Variants in WWOX observed in about 807,000 individuals in gnomAD.
The protein encoded by WWOX is WW domain-containing oxidoreductase.
A neutral mutation model predicts 46.2 loss-of-function variants in WWOX; 69 were observed. The ratio of observed to expected loss-of-function variants is 1.49; its 90% CI spans 1.23 to 1.82. The LOEUF (loss-of-function observed/expected upper bound fraction) is 1.82. Ranked by LOEUF, WWOX falls within the 40% of genes most tolerant of loss-of-function variation. The probability of loss-of-function intolerance (pLI) is 0.00; values close to 1 mark genes in which losing one functional copy is unlikely to be tolerated. For synonymous variants in WWOX, 359 were observed against 202.6 expected, an observed-to-expected ratio of 1.77 and a Z score of -6.56; for missense variants, 919 against 542.6, an observed-to-expected ratio of 1.69 and a Z score of -6.89.
intron 8 of WWOX, among the ~76,000 whole-genome samples, chr16:78,859,024 AAAAATATATATATATATATATATATG>A (rs1305670020): frequency 3.2e-3 from 105 of 33,038 alleles, no homozygotes; most frequent in African/African-American, 0.013. Flanking sequence ...AAAAAAAAAA[AAAAATATATATATATATATATATATG>A]TATATATATA....
intron 8 of WWOX, among the ~76,000 whole-genome samples, chr16:78,707,409 C>T (rs757533886): frequency 6.6e-6 from 1 of 152,158 alleles, no homozygotes; most frequent in African/African-American, 2.4e-5. Flanking sequence ...GAGCATTGCT[C>T]CTTTTTATGC....
chr16:78,663,820 A>T (rs2047269920), intron 8 of WWOX, among the ~76,000 whole-genome samples: 1 of 152,214 alleles, frequency 6.6e-6, no homozygotes, highest in Non-Finnish European at 1.5e-5. Flanking sequence ...GAAAATCTCA[A>T]GCACAGGTGC....
rs567398869 is a variant in WWOX, at chr16:78,989,182, G to A, written c.1057-222426G>A. On this transcript the variant is annotated intron_variant, in intron 8 of 8. Coordinates refer to ENST00000566780, the MANE Select transcript of WWOX (RefSeq NM_016373.4). ...TATTGTATCTCCCCAGGGTTAGTGA[G>A]TAATTGGGAATAGTGTTCCATCTTG... Among the ~76,000 whole-genome samples the A allele has an allele frequency of 3.0e-4, 45 of 152,266 alleles. 1 individual carries two copies. The highest frequency in any genetic ancestry group is 1.1e-3 in the African/African-American group (45 of 41,540).
chr16:78,637,498 C>G (rs369509647), intron 8 of WWOX, among the ~76,000 whole-genome samples: 17 of 152,034 alleles, frequency 1.1e-4, no homozygotes, highest in East Asian at 3.9e-4. Flanking sequence ...TTTAAAGATA[C>G]CCAGCCAATG....
intron 5 of WWOX, among the ~76,000 whole-genome samples, chr16:78,338,530 AG>A (rs2080944360): frequency 1.6e-5 from 2 of 121,606 alleles, no homozygotes; most frequent in Non-Finnish European, 3.9e-5. Context: ...GAAATTCTGT[AG>A]TTTCCACAAG....
intron 5 of WWOX, among the ~76,000 whole-genome samples, chr16:78,345,724 A>AT (rs1371871296): frequency 1.7e-5 from 2 of 115,708 alleles, no homozygotes; most frequent in Non-Finnish European, 4.1e-5. Flanking sequence ...ACTCAGTGAA[A>AT]TGGCCATTAA....
intron 8 of WWOX, among the ~76,000 whole-genome samples, chr16:78,882,228 T>G (rs1393429225): frequency 6.6e-6 from 1 of 152,246 alleles, no homozygotes; most frequent in Non-Finnish European, 1.5e-5. Context: ...TTCTAACATG[T>G]GTATAGTATG....
At chr16:78,720,074 A>T (rs902464816) in intron 8 of WWOX, among the ~76,000 whole-genome samples, 1 of 152,164 alleles carries the variant, frequency 6.6e-6, no homozygotes, top group African/African-American at 2.4e-5. Flanking sequence ...ATTTCAATTT[A>T]ATCGTATTGT....
At chr16:78,646,305 C>A (rs992417727) in intron 8 of WWOX, among the ~76,000 whole-genome samples, 2 of 152,174 alleles carry the variant, frequency 1.3e-5, no homozygotes, top group South Asian at 2.1e-4. Context: ...TGAGCCAGTA[C>A]ACTTGGCCTT....
rs74711652 is a variant in WWOX at position 78,919,301 on chromosome 16, A to C, written c.1057-292307A>C. On this transcript the variant is annotated intron_variant, in intron 8 of 8. Coordinates refer to ENST00000566780, the MANE Select transcript of WWOX (RefSeq NM_016373.4). ...TAGATGGCTAAGCAGAGGCTCAGAG[A>C]AGTCAGACAACTCACCCAGGATCAA... Among the ~76,000 whole-genome samples, 1,037 of 151,912 alleles carry C rather than the reference A, an allele frequency of 6.8e-3. 3 individuals carry two copies. Among genetic ancestry groups the C allele is most frequent in the Middle Eastern group, 0.027 (8 of 292 alleles).
At chr16:78,601,006 G>C (rs1177891741) in intron 8 of WWOX, among the ~76,000 whole-genome samples, 1 of 152,092 alleles carries the variant, frequency 6.6e-6, no homozygotes, top group Non-Finnish European at 1.5e-5. Context: ...ACTATTTAAA[G>C]CATTGCCTGC....
intron 8 of WWOX, among the ~76,000 whole-genome samples, chr16:79,163,297 C>T (rs1487308354): frequency 6.6e-6 from 1 of 152,142 alleles, no homozygotes; most frequent in East Asian, 1.9e-4. Context: ...AACATCCAAG[C>T]ATTGAAAACT....
intron 8 of WWOX, among the ~76,000 whole-genome samples, chr16:78,864,596 G>C (rs530174728): frequency 1.6e-4 from 24 of 151,856 alleles, no homozygotes; most frequent in Non-Finnish European, 3.2e-4. Flanking sequence ...AAACAGGGCT[G>C]CACATAACCT....
At chr16:79,029,704 C>G (rs983995433) in intron 8 of WWOX, among the ~76,000 whole-genome samples, 2 of 152,156 alleles carry the variant, frequency 1.3e-5, no homozygotes, top group Non-Finnish European at 2.9e-5. Context: ...CTTAATTATG[C>G]TTTTCAACAA....
intron 4 of WWOX, among the ~76,000 whole-genome samples, chr16:78,117,906 G>T (rs1050382095): frequency 2.0e-5 from 3 of 152,062 alleles, no homozygotes; most frequent in Non-Finnish European, 2.9e-5. Context: ...TCTAAGGCGG[G>T]GTGGGCTGAA....
At chr16:78,793,286 C>G (rs960541343) in intron 8 of WWOX, among the ~76,000 whole-genome samples, 2 of 152,140 alleles carry the variant, frequency 1.3e-5, no homozygotes, top group Non-Finnish European at 2.9e-5. Flanking sequence ...GTCTGGAACT[C>G]CTGGGCTCAG....
chr16:78,518,558 C>T (rs1188256099), intron 8 of WWOX, among the ~76,000 whole-genome samples: 1 of 152,182 alleles, frequency 6.6e-6, no homozygotes, highest in Non-Finnish European at 1.5e-5. Context: ...TCACAGCTCC[C>T]TTAGGAGTAC....
intron 5 of WWOX, among the ~76,000 whole-genome samples, chr16:78,323,377 T>C (rs1237764256): frequency 6.6e-6 from 1 of 152,184 alleles, no homozygotes; most frequent in African/African-American, 2.4e-5. Context: ...AGTGCTGGGA[T>C]TACAGGCGTG....
At chr16:78,756,415 C>T (rs973958101) in intron 8 of WWOX, among the ~76,000 whole-genome samples, 1 of 152,128 alleles carries the variant, frequency 6.6e-6, no homozygotes, top group Non-Finnish European at 1.5e-5. Flanking sequence ...AAACATTATT[C>T]AGGAAGCTCT....
Sources: gnomAD v4.1 joint callset for allele counts (sites outside exome capture counted in the v4.1 genomes callset) on GRCh38, gnomAD v4.1.1 for gene constraint, MANE v1.5 for transcripts, NCBI Gene and HGNC (gene_info 2026-07-23, HGNC 2026-07-21) for gene names.